The following PDE11A variants were observed in gnomAD, a reference collection of about 807,000 sequenced individuals.
PDE11A encodes phosphodiesterase 11A.
PDE11A carries 100 observed loss-of-function variants against 100.5 expected under a neutral mutation model. The ratio of observed to expected loss-of-function variants is 1.00; its 90% CI spans 0.85 to 1.18. PDE11A has a LOEUF of 1.18. PDE11A is among the 50% of genes most tolerant of loss of function. The pLI is 0.00. For synonymous variants in PDE11A, 381 were observed against 420.8 expected, an observed-to-expected ratio of 0.91 and a Z score of 1.16; for missense variants, 1,141 against 1,152.6, an observed-to-expected ratio of 0.99 and a Z score of 0.15.
At chr2:177,842,777 G>A (rs183002413) in intron 5 of PDE11A, among the ~76,000 whole-genome samples, 98 of 152,314 alleles carry the variant, frequency 6.4e-4, no homozygotes, top group African/African-American at 2.1e-3. Flanking sequence ...TTTTGTTCCC[G>A]ACTGCCTGTG....
intron 2 of PDE11A, among the ~76,000 whole-genome samples, chr2:178,004,347 T>C (rs902658507): frequency 2.0e-5 from 3 of 152,176 alleles, no homozygotes; most frequent in African/African-American, 7.2e-5. Context: ...TGGATTCTAT[T>C]AAATTTTACT....
chr2:178,107,721 C>CTTTT (rs1159976078), intron 1 of PDE11A, among the ~76,000 whole-genome samples: 6 of 123,044 alleles, frequency 4.9e-5, no homozygotes, highest in African/African-American at 9.1e-5. Context: ...CTTTTTTTTT[C>CTTTT]TTTTTTTTTT....
intron 18 of PDE11A, among the ~76,000 whole-genome samples, chr2:177,667,327 C>T (rs1422695193): frequency 1.3e-5 from 2 of 152,128 alleles, no homozygotes; most frequent in East Asian, 3.8e-4. Flanking sequence ...CCATGGCTAA[C>T]CCCTATCCAG....
chr2:177,841,475 C>T (rs933333214), intron 5 of PDE11A, among the ~76,000 whole-genome samples: 1 of 152,174 alleles, frequency 6.6e-6, no homozygotes, highest in African/African-American at 2.4e-5. Context: ...TTAATCTAAA[C>T]TGCACTATAT....
intron 19 of PDE11A, among the ~76,000 whole-genome samples, chr2:177,639,260 G>C (rs1303736291): frequency 6.6e-6 from 1 of 152,134 alleles, no homozygotes; most frequent in Non-Finnish European, 1.5e-5. Flanking sequence ...TCAGGTTTTG[G>C]GGTTTTGTTG....
chr2:178,071,934 T>C lies in PDE11A; in HGVS notation c.504A>G (p.Thr168=), dbSNP rs756197038. Residue 168 remains threonine (T), a synonymous_variant, in exon 1 of 20, where the codon ACA becomes ACG. Coordinates refer to ENST00000286063, the MANE Select transcript of PDE11A (RefSeq NM_016953.4). ...CCAGCAGCGCACTGAGAATATGGGC[T>C]GTGGTGGGGGGCAGGGAGCTTGCCT... ...LRKASSLPPT[T]AHILSALLES... is the part of the protein sequence containing the mutation. The C allele has an allele frequency of 1.9e-6, 3 of 1,614,080 alleles. No individual in the cohort carries two copies. The highest frequency in any genetic ancestry group is 2.5e-6 in the Non-Finnish European group (3 of 1,179,940).
At chr2:177,876,619 ATTTC>A (rs1293163852) in intron 4 of PDE11A, among the ~76,000 whole-genome samples, 3 of 148,262 alleles carry the variant, frequency 2.0e-5, no homozygotes, top group African/African-American at 7.7e-5. Flanking sequence ...TTTTTTGATT[ATTTC>A]TTTATTATAA....
At chr2:177,825,671 G>GT (rs1420564349) in intron 6 of PDE11A, among the ~76,000 whole-genome samples, 2 of 152,166 alleles carry the variant, frequency 1.3e-5, no homozygotes, top group Non-Finnish European at 2.9e-5. Flanking sequence ...TAATAAGCAA[G>GT]TATGAAGGAA....
intron 2 of PDE11A, among the ~76,000 whole-genome samples, chr2:177,952,577 G>T (rs1026314145): frequency 5.9e-5 from 9 of 152,100 alleles, no homozygotes; most frequent in African/African-American, 2.2e-4. Flanking sequence ...TCTGAGGCCT[G>T]GTTCAGCTTT....
intron 2 of PDE11A, among the ~76,000 whole-genome samples, chr2:177,969,948 T>C (rs1354948023): frequency 6.6e-6 from 1 of 152,246 alleles, no homozygotes; most frequent in Admixed American, 6.5e-5. Context: ...GGGAAGTTAA[T>C]AATGATAATT....
chr2:178,014,758 T>C (rs2086315244), intron 1 of PDE11A, among the ~76,000 whole-genome samples: 1 of 152,142 alleles, frequency 6.6e-6, no homozygotes, highest in Admixed American at 6.5e-5. Context: ...TATGAAAACA[T>C]GTTATTTCAA....
At chr2:177,963,281 CGGATTCCAGA>C in intron 2 of PDE11A, among the ~76,000 whole-genome samples, 1 of 152,116 alleles carries the variant, frequency 6.6e-6, no homozygotes, top group Non-Finnish European at 1.5e-5. Context: ...GAGCTCTATA[CGGATTCCAGA>C]GGAAACATCA....
intron 19 of PDE11A, among the ~76,000 whole-genome samples, chr2:177,654,946 T>C (rs1054926383): frequency 6.6e-6 from 1 of 151,622 alleles, no homozygotes; most frequent in Non-Finnish European, 1.5e-5. Flanking sequence ...CTAAAAAAAC[T>C]ATAAAGTTAC....
intron 6 of PDE11A, among the ~76,000 whole-genome samples, chr2:177,822,799 T>C (rs539672021): frequency 9.8e-5 from 15 of 152,290 alleles, no homozygotes; most frequent in African/African-American, 2.6e-4. Context: ...TTCTTACACA[T>C]AATTTGTTTT....
intron 13 of PDE11A, among the ~76,000 whole-genome samples, chr2:177,707,437 A>C (rs562729549): frequency 1.5e-4 from 23 of 152,294 alleles, no homozygotes; most frequent in African/African-American, 5.1e-4. Flanking sequence ...GTCTCCTAGA[A>C]ATAGGAACAA....
intron 9 of PDE11A, 68 bp from the exon 10 acceptor site, chr2:177,769,441 C>A: frequency 1.1e-6 from 1 of 931,814 alleles, no homozygotes; most frequent in Non-Finnish European, 1.7e-6. Flanking sequence ...ATTCTCCTGG[C>A]TTAAAAATAA....
intron 5 of PDE11A, among the ~76,000 whole-genome samples, chr2:177,847,430 T>C (rs2083619236): frequency 6.6e-6 from 1 of 152,178 alleles, no homozygotes; most frequent in African/African-American, 2.4e-5. Context: ...GATTTTCAGT[T>C]TGGGCCAGAA....
intron 18 of PDE11A, among the ~76,000 whole-genome samples, chr2:177,666,614 C>T (rs2080588936): frequency 6.6e-6 from 1 of 152,138 alleles, no homozygotes; most frequent in Admixed American, 6.5e-5. Context: ...AGTGATATCT[C>T]ATTGTGGTTT....
At chr2:177,682,026 C>T (rs894867746) in intron 15 of PDE11A, among the ~76,000 whole-genome samples, 1 of 152,126 alleles carries the variant, frequency 6.6e-6, no homozygotes, top group South Asian at 2.1e-4. Flanking sequence ...TAAGTAAGAG[C>T]TTGGCACCTT....
Sources: allele counts gnomAD v4.1 joint callset (sites outside exome capture counted in the v4.1 genomes callset), GRCh38; gene constraint gnomAD v4.1.1; transcripts MANE v1.5; gene names NCBI Gene and HGNC (gene_info 2026-07-23, HGNC 2026-07-21).